Variants in TAFA5 observed in about 807,000 individuals in gnomAD.
The protein encoded by TAFA5 is chemokine-like protein TAFA-5.
TAFA5 carries 6 observed loss-of-function variants against 15.3 expected under a neutral mutation model. The observed-to-expected ratio is 0.39, with a 90% CI of 0.21 to 0.77. The LOEUF (loss-of-function observed/expected upper bound fraction) is 0.77. Ranked by LOEUF, TAFA5 falls within the 30% of genes least tolerant of loss-of-function variation. The pLI, the probability that TAFA5 is intolerant of heterozygous loss-of-function variation, is 0.41. For missense variants in TAFA5, 161 were observed against 193.1 expected (o/e 0.83, Z 0.98); for synonymous variants, 103 against 80.7 (o/e 1.28, Z -1.48).
At chr22:48,650,277 G>C (rs933420174) in intron 2 of TAFA5, among the ~76,000 whole-genome samples, 1 of 152,194 alleles carries the variant, frequency 6.6e-6, no homozygotes, top group Non-Finnish European at 1.5e-5. Context: ...AAGCCTGACT[G>C]TGCTCACTTG....
intron 2 of TAFA5, 55 bp from the exon 3 acceptor site, chr22:48,707,662 A>G: frequency 6.3e-7 from 1 of 1,589,288 alleles, no homozygotes; most frequent in Non-Finnish European, 8.6e-7. Flanking sequence ...CCTCAGCAAC[A>G]CCCTCACGAT....
In TAFA5 at chr22:48,598,059, C is replaced by T. The variant is rs1924835165; in HGVS notation, c.113-48538C>T. On this transcript the variant is annotated intron_variant, in intron 1 of 3. Coordinates refer to ENST00000402357, the MANE Select transcript of TAFA5 (RefSeq NM_001082967.3). The surrounding 1 kb of genome is among the most constrained non-coding windows in gnomAD (Gnocchi z 4.0). ...GGTTTCCCTTTTTAAAAATAAGCTT[C>T]TGCAGTTTCAGAGGCTGTCAGTATG... Among the ~76,000 whole-genome samples the T allele has an allele frequency of 6.6e-6, 1 of 152,194 alleles. No homozygotes were observed. Among genetic ancestry groups the T allele is most frequent in the African/African-American group, 2.4e-5 (1 of 41,436 alleles).
rs1275326623 is a variant in TAFA5, at chr22:48,560,733, T to C, written c.112+71029T>C. The stretch of plus-strand genomic sequence containing the variant: ...AAGCAATTCTCCCGCCTCAGCTTCC[T>C]GAGTAGCTGGGATTACAGGTGCTCA... On this transcript the variant is annotated intron_variant, in intron 1 of 3. Coordinates refer to ENST00000402357, the MANE Select transcript of TAFA5 (RefSeq NM_001082967.3). This position sits in a 1 kb window ranked among gnomAD's most constrained non-coding sequence, Gnocchi z 4.2. Among the ~76,000 whole-genome samples the C allele has an allele frequency of 6.6e-6, 1 of 152,074 alleles. No homozygotes were observed. Among genetic ancestry groups the C allele is most frequent in the Non-Finnish European group, 1.5e-5 (1 of 68,016 alleles).
intron 1 of TAFA5, among the ~76,000 whole-genome samples, chr22:48,643,574 G>T (rs894870146): frequency 1.3e-5 from 2 of 152,218 alleles, no homozygotes; most frequent in African/African-American, 4.8e-5. Context: ...TTGCCCAGGG[G>T]CTGGCCATGC....
rs188408862 is a variant in TAFA5 at position 48,669,974 on chromosome 22, G to A, written c.262+23228G>A. 1.2e-4 allele frequency among the ~76,000 whole-genome samples: 19 copies of A among 152,304 alleles called. No homozygotes were observed. The South Asian group carries it at 1.7e-3, about 13-fold the overall frequency. Reference sequence around the variant, plus strand: ...AAATTAAACAAACTGTGACCTCTCCGGGTCCCCAGTCCTGGCTGTTACTGC... The same window carrying A: ...AAATTAAACAAACTGTGACCTCTCCAGGTCCCCAGTCCTGGCTGTTACTGC... On this transcript the variant is annotated intron_variant, in intron 2 of 3. Transcript: ENST00000402357.
chr22:48,703,119 C>T (rs1183469465), intron 2 of TAFA5, among the ~76,000 whole-genome samples: 2 of 151,892 alleles, frequency 1.3e-5, no homozygotes, highest in Non-Finnish European at 2.9e-5. Context: ...CCTATAGATA[C>T]GTGTTTGTGA....
chr22:48,586,011 G>C (rs1924345360), intron 1 of TAFA5, among the ~76,000 whole-genome samples: 1 of 152,252 alleles, frequency 6.6e-6, no homozygotes, highest in Non-Finnish European at 1.5e-5. Flanking sequence ...GAGGAAGGGA[G>C]AGGAGGGTGG....
intron 3 of TAFA5, among the ~76,000 whole-genome samples, chr22:48,725,920 A>G (rs1378506433): frequency 6.6e-6 from 1 of 152,186 alleles, no homozygotes; most frequent in Middle Eastern, 3.2e-3. Context: ...GAGCTGGAGG[A>G]AACTGCCAAC....
intron 3 of TAFA5, among the ~76,000 whole-genome samples, chr22:48,714,716 G>C (rs566540420): frequency 6.6e-6 from 1 of 152,350 alleles, no homozygotes; most frequent in Admixed American, 6.5e-5. Context: ...TACACTTCCT[G>C]CCTGTGTGTC....
At chr22:48,647,303 A>G (rs1006113607) in intron 2 of TAFA5, among the ~76,000 whole-genome samples, 19 of 152,150 alleles carry the variant, frequency 1.2e-4, no homozygotes, top group African/African-American at 3.6e-4. Flanking sequence ...CAAGCTTCTG[A>G]CAAGCTGGGC....
At chr22:48,657,956 C>T (rs1387470380) in intron 2 of TAFA5, among the ~76,000 whole-genome samples, 1 of 152,160 alleles carries the variant, frequency 6.6e-6, no homozygotes, top group Non-Finnish European at 1.5e-5. Context: ...CTAATAATGC[C>T]GCTTGCCTCA....
At chr22:48,724,490 G>A (rs558048898) in intron 3 of TAFA5, among the ~76,000 whole-genome samples, 15 of 152,328 alleles carry the variant, frequency 9.8e-5, no homozygotes, top group East Asian at 5.8e-4. Context: ...AGAAGCCTCC[G>A]TGGCTTTCTG....
intron 1 of TAFA5, among the ~76,000 whole-genome samples, chr22:48,541,649 C>T (rs1038428089): frequency 6.6e-6 from 1 of 152,136 alleles, no homozygotes; most frequent in Non-Finnish European, 1.5e-5. Context: ...GGGTGGGAGG[C>T]CCCATGCAGA....
Position 48,517,625 on chromosome 22 carries a change from G to A in TAFA5, c.112+27921G>A, listed in dbSNP as rs190092248. On this transcript the variant is annotated intron_variant, in intron 1 of 3. Transcript: ENST00000402357. ...GGCATCCGGGTTCTGATAGCCCGCC[G>A]GGCCCTGGGCCACCAGAGGCCTTGA... Among the ~76,000 whole-genome samples, 579 of 152,274 alleles carry A rather than the reference G, an allele frequency of 3.8e-3. 4 individuals are homozygous for A. Among genetic ancestry groups the A allele is most frequent in the African/African-American group, 0.013 (544 of 41,556 alleles).
chr22:48,604,052 T>C (rs1456346851), intron 1 of TAFA5, among the ~76,000 whole-genome samples: 3 of 152,212 alleles, frequency 2.0e-5, no homozygotes, highest in Non-Finnish European at 2.9e-5. Context: ...AGCACTGGAC[T>C]GTGTGTGTCT....
chr22:48,585,131 CCA>C (rs1209753497), intron 1 of TAFA5, among the ~76,000 whole-genome samples: 1 of 146,504 alleles, frequency 6.8e-6, no homozygotes, highest in African/African-American at 2.5e-5. Flanking sequence ...CACACAGATG[CCA>C]CACACAACAA....
chr22:48,522,086 G>A (rs963965996), intron 1 of TAFA5, among the ~76,000 whole-genome samples: 1 of 152,246 alleles, frequency 6.6e-6, no homozygotes, highest in Non-Finnish European at 1.5e-5. Context: ...AACGGAACAC[G>A]TGACCAGCAT....
At chr22:48,615,089 C>T (rs1001499018) in intron 1 of TAFA5, among the ~76,000 whole-genome samples, 4 of 152,172 alleles carry the variant, frequency 2.6e-5, no homozygotes, top group South Asian at 2.1e-4. Flanking sequence ...ACAAAGCCTC[C>T]GTGTTTCCCA....
chr22:48,521,806 G>C (rs771324296), intron 1 of TAFA5, among the ~76,000 whole-genome samples: 1 of 152,190 alleles, frequency 6.6e-6, no homozygotes, highest in African/African-American at 2.4e-5. Context: ...TGCTGTTGAG[G>C]TTCCTTAGCA....
Sources: gnomAD v4.1 joint callset for allele counts (sites outside exome capture counted in the v4.1 genomes callset) on GRCh38, gnomAD v4.1.1 for gene constraint, Gnocchi (gnomAD v3.1) non-coding constraint, MANE v1.5 for transcripts, NCBI Gene and HGNC (gene_info 2026-07-23, HGNC 2026-07-21) for gene names.